TMEM209: variants seen among roughly 807,000 people sequenced by gnomAD.
The protein encoded by TMEM209 is transmembrane protein 209, also known as testicular tissue protein Li 202.
A neutral mutation model predicts 76.2 loss-of-function variants in TMEM209; 65 were observed. The ratio of observed to expected loss-of-function variants is 0.85; its 90% CI spans 0.70 to 1.05. TMEM209 has a LOEUF of 1.05. Among genes scored for constraint, TMEM209 ranks in the 50% least tolerant of loss-of-function variants. The pLI is 0.00. For missense variants in TMEM209, 623 were observed against 685.5 expected (o/e 0.91, Z 1.02); for synonymous variants, 239 against 237.6 (o/e 1.01, Z -0.06).
intron 5 of TMEM209, among the ~76,000 whole-genome samples, chr7:130,194,634 T>C (rs906344297): frequency 2.6e-5 from 4 of 152,230 alleles, no homozygotes; most frequent in Admixed American, 6.5e-5. Flanking sequence ...TTCTGATGGC[T>C]TCTTTAACAG....
chr7:130,180,603 A>G (rs887285273), intron 9 of TMEM209, among the ~76,000 whole-genome samples: 2 of 152,104 alleles, frequency 1.3e-5, no homozygotes, highest in African/African-American at 4.8e-5. Flanking sequence ...TCCTGACCTC[A>G]GGTGATCCGC....
intron 6 of TMEM209, among the ~76,000 whole-genome samples, chr7:130,186,384 T>C (rs1797599147): frequency 1.3e-5 from 2 of 152,196 alleles, no homozygotes. Flanking sequence ...CGTTGGTGAA[T>C]GTTTCATGCT....
intron 5 of TMEM209, 81 bp from the exon 6 acceptor site, chr7:130,192,904 C>T (rs1320786353): frequency 2.9e-6 from 4 of 1,379,042 alleles, no homozygotes; most frequent in East Asian, 5.0e-5. Flanking sequence ...AAGTAAAACA[C>T]CTAGTAGAAT....
intron 13 of TMEM209, among the ~76,000 whole-genome samples, chr7:130,172,478 G>A (rs1797102459): frequency 6.6e-6 from 1 of 152,040 alleles, no homozygotes; most frequent in African/African-American, 2.4e-5. Flanking sequence ...CAGCAGCTGG[G>A]ACTACAGGTG....
At chr7:130,175,655 A>G (rs2116980077) in intron 10 of TMEM209, 46 bp from the exon 11 acceptor site, 1 of 1,457,170 alleles carries the variant, frequency 6.9e-7, no homozygotes, top group Non-Finnish European at 9.3e-7. Flanking sequence ...GTATGCAAAA[A>G]AGAAAAGAAA....
Position 130,204,061 on chromosome 7 carries a change from T to C in TMEM209, c.53A>G (p.Lys18Arg), listed in dbSNP as rs1203003621. 4 of 1,613,046 alleles carry C rather than the reference T, an allele frequency of 2.5e-6. 1 individual carries two copies. The African/African-American group carries it at 4.0e-5, about 16-fold the overall frequency. Reference protein sequence around the residue: ...PSASLIDRTIKMRKETEARKV... With the variant: ...PSASLIDRTIRMRKETEARKV... The stretch of plus-strand genomic sequence containing the variant: ...CCTAGCCTCTGTTTCTTTTCTCATC[T>C]TGATGGTTCTGTCAATAAGGGAAGC... Residue 18 changes from lysine to arginine, a missense_variant, in exon 2 of 15, where the codon AAG (lysine) becomes AGG (arginine). Coordinates refer to ENST00000397622, the MANE Select transcript of TMEM209 (RefSeq NM_032842.4).
intron 5 of TMEM209, among the ~76,000 whole-genome samples, chr7:130,193,981 G>A (rs573392653): frequency 1.3e-5 from 2 of 151,942 alleles, no homozygotes; most frequent in South Asian, 2.1e-4. Context: ...GGCGAATCAC[G>A]GGGTCAGGAG....
intron 6 of TMEM209, among the ~76,000 whole-genome samples, chr7:130,190,202 CCACTTAATTAAA>C (rs1797745495): frequency 6.6e-6 from 1 of 152,116 alleles, no homozygotes; most frequent in Admixed American, 6.6e-5. Flanking sequence ...GTACTTACCA[CCACTTAATTAAA>C]CACTTCAAAT....
chr7:130,165,270 A>G lies in TMEM209; in HGVS notation c.*1181T>C, dbSNP rs1796846730. ...GGAAGCAGTCTCTAATATGTTAATC[A>G]AGAAAATATATGCAATTGCCAGCTA... On this transcript the variant is annotated 3_prime_UTR_variant, in exon 15 of 15. Transcript: ENST00000397622. The G allele has an allele frequency of 6.6e-6, 1 of 152,182 alleles. No individual in the cohort carries two copies. The highest frequency in any genetic ancestry group is 2.1e-4 in the South Asian group (1 of 4,832). The allele number at this position is 152,182 out of a possible 1,614,324, so 9.4% of individuals were successfully genotyped here.
chr7:130,173,595 G>C (rs1322438907), intron 13 of TMEM209, 37 bp downstream of exon 13: 1 of 1,474,130 alleles, frequency 6.8e-7, no homozygotes, highest in African/African-American at 1.4e-5. Context: ...AATCACCCAA[G>C]ACATTCTGTA....
intron 11 of TMEM209, among the ~76,000 whole-genome samples, chr7:130,174,620 TA>T (rs920990840): frequency 2.0e-5 from 3 of 151,096 alleles, no homozygotes; most frequent in Admixed American, 6.6e-5. Context: ...ACAGTCACTA[TA>T]AAAAAAAAGC....
At chr7:130,180,663 C>A (rs577665757) in intron 9 of TMEM209, among the ~76,000 whole-genome samples, 50 of 152,144 alleles carry the variant, frequency 3.3e-4, no homozygotes, top group Non-Finnish European at 6.3e-4. Flanking sequence ...GCCACCGCGC[C>A]CGGCCAAAAA....
At chr7:130,172,598 C>A (rs994252147) in intron 13 of TMEM209, among the ~76,000 whole-genome samples, 2 of 152,054 alleles carry the variant, frequency 1.3e-5, no homozygotes, top group Admixed American at 6.6e-5. Context: ...CCTGCCTCTA[C>A]CTTTTCAGTA....
At chr7:130,173,162 A>C (rs1362859331) in intron 13 of TMEM209, among the ~76,000 whole-genome samples, 1 of 152,120 alleles carries the variant, frequency 6.6e-6, no homozygotes, top group East Asian at 1.9e-4. Context: ...CCTGAGTAAC[A>C]TGGAGAGACT....
rs753166065 is a variant in TMEM209, at chr7:130,202,656, G to C, written c.207C>G (p.Ala69=). 17 of 1,612,610 alleles carry C rather than the reference G, an allele frequency of 1.1e-5. No homozygotes were observed. The South Asian group carries it at 1.7e-4, about 16-fold the overall frequency. Residue 69 remains alanine (A), a synonymous_variant, in exon 4 of 15, where the codon GCC becomes GCG. Coordinates refer to ENST00000397622, the MANE Select transcript of TMEM209 (RefSeq NM_032842.4). ...TYWPLWYIEL[A]LASLFSLNAL... Reference sequence around the variant, plus strand: ...CATTAAGGCTGAAGAGAGATGCAAGGGCAAGCTCTGGAAGAGAACAATTTT... The same window carrying C: ...CATTAAGGCTGAAGAGAGATGCAAGCGCAAGCTCTGGAAGAGAACAATTTT...
intron 5 of TMEM209, chr7:130,199,921 A>G (rs1159676282): frequency 2.0e-5 from 3 of 152,156 alleles, no homozygotes; most frequent in Admixed American, 1.3e-4. Flanking sequence ...AAGACAAATC[A>G]CATGTAATTC....
At chr7:130,174,223 ATTCAGTGTGT>A (rs988277678) in intron 11 of TMEM209, among the ~76,000 whole-genome samples, 1 of 152,248 alleles carries the variant, frequency 6.6e-6, no homozygotes, top group African/African-American at 2.4e-5. Flanking sequence ...TCATAAAGGA[ATTCAGTGTGT>A]TTAAGACATG....
intron 13 of TMEM209, among the ~76,000 whole-genome samples, chr7:130,171,040 AGGT>A (rs1172462522): frequency 6.6e-6 from 1 of 151,946 alleles, no homozygotes; most frequent in Non-Finnish European, 1.5e-5. Context: ...ATGAGCAGAA[AGGT>A]AACATACTGG....
Position 130,205,393 on chromosome 7 carries a change from C to T in TMEM209, c.-18G>A, listed in dbSNP as rs932957332. On this transcript the variant is annotated 5_prime_UTR_variant, in exon 1 of 15. Transcript: ENST00000397622. The stretch of plus-strand genomic sequence containing the variant: ...CGCACCATGTCCTCTGGCCGGAAAA[C>T]GCAGGCTCGCGCCACTCTCTCTGGG... The T allele has an allele frequency of 1.9e-6, 3 of 1,613,598 alleles. No homozygotes were observed. Among genetic ancestry groups the T allele is most frequent in the African/African-American group, 2.7e-5 (2 of 74,884 alleles).
Sources: allele counts gnomAD v4.1 joint callset (sites outside exome capture counted in the v4.1 genomes callset), GRCh38; gene constraint gnomAD v4.1.1; transcripts MANE v1.5; gene names NCBI Gene and HGNC (gene_info 2026-07-23, HGNC 2026-07-21).